The following MGA variants were observed in gnomAD, a reference collection of about 807,000 sequenced individuals.
The protein encoded by MGA is MAX dimerization protein MGA.
Under a neutral mutation model 261.1 loss-of-function variants are expected in MGA, and 40 were observed. The observed-to-expected ratio is 0.15, with a 90% CI of 0.12 to 0.20. MGA has a LOEUF of 0.20. MGA is among the 10% of genes least tolerant of loss of function. MGA has a pLI of 1.00. For synonymous variants in MGA, 1,302 were observed against 1,290.6 expected, an observed-to-expected ratio of 1.01 and a Z score of -0.19; for missense variants, 3,397 against 3,630.5, an observed-to-expected ratio of 0.94 and a Z score of 1.65.
intron 12 of MGA, among the ~76,000 whole-genome samples, chr15:41,734,919 C>G (rs2061688757): frequency 6.6e-6 from 1 of 151,750 alleles, no homozygotes; most frequent in African/African-American, 2.4e-5. Context: ...AGCCTTTGGT[C>G]CTCCATCACT....
At chr15:41,692,201 G>T (rs1205486675) in intron 2 of MGA, among the ~76,000 whole-genome samples, 1 of 152,122 alleles carries the variant, frequency 6.6e-6, no homozygotes, top group Non-Finnish European at 1.5e-5. Context: ...CGTTTCAGCT[G>T]TGTCAAGGGA....
chr15:41,637,800 A>G (rs1049424394), intron 1 of MGA, among the ~76,000 whole-genome samples: 3 of 151,888 alleles, frequency 2.0e-5, no homozygotes, highest in African/African-American at 7.3e-5. Flanking sequence ...GCTGGAGTGC[A>G]ATGGCGTGAT....
intron 2 of MGA, among the ~76,000 whole-genome samples, chr15:41,688,211 G>A (rs1299066719): frequency 1.3e-5 from 2 of 152,124 alleles, no homozygotes; most frequent in African/African-American, 4.8e-5. Flanking sequence ...AAGTAGCTGT[G>A]ATTACTGGCA....
At chr15:41,675,630 G>A (rs1259005684) in intron 2 of MGA, among the ~76,000 whole-genome samples, 1 of 152,164 alleles carries the variant, frequency 6.6e-6, no homozygotes, top group South Asian at 2.1e-4. Context: ...TCCTACCTCA[G>A]CCTCTGAAAT....
chr15:41,716,816 T>G (rs900631633), intron 9 of MGA, among the ~76,000 whole-genome samples: 1 of 152,184 alleles, frequency 6.6e-6, no homozygotes, highest in African/African-American at 2.4e-5. Flanking sequence ...TTTTGTGTGT[T>G]TTTATTATAT....
rs1477130914 is a variant in MGA, at chr15:41,626,870, A to T, written c.-68+5572A>T. ...ATATTTACTATAATTAAAATAATTT[A>T]TTTTAGTTTTTGAGATGGAGTCTCT... On this transcript the variant is annotated intron_variant, in intron 1 of 8. Transcript: ENST00000566718. Among the ~76,000 whole-genome samples the T allele has an allele frequency of 2.0e-5, 3 of 152,026 alleles. No individual in the cohort carries two copies. The South Asian group carries it at 6.2e-4, about 32-fold the overall frequency.
chr15:41,636,690 C>T (rs1009609966), intron 1 of MGA, among the ~76,000 whole-genome samples: 11 of 152,102 alleles, frequency 7.2e-5, no homozygotes, highest in South Asian at 2.1e-4. Flanking sequence ...GCTGGGATTA[C>T]AGGCCTGAGC....
At chr15:41,740,422 T>C (rs970115150) in intron 14 of MGA, among the ~76,000 whole-genome samples, 25 of 152,214 alleles carry the variant, frequency 1.6e-4, no homozygotes, top group African/African-American at 5.8e-4. Context: ...ATTTCTTGGT[T>C]TTATATATAT....
At chr15:41,684,349 A>T in intron 2 of MGA, 1 of 444,952 alleles carries the variant, frequency 2.2e-6, no homozygotes, top group Non-Finnish European at 4.5e-6. Context: ...AACAAAAAAA[A>T]TCCTTTTAAT....
At chr15:41,656,699 T>C (rs1222908242), upstream of MGA, among the ~76,000 whole-genome samples, 1 of 151,860 alleles carries the variant, frequency 6.6e-6, no homozygotes, top group Non-Finnish European at 1.5e-5. Flanking sequence ...TTTCTGTCCT[T>C]CTTTTCATCC....
intron 2 of MGA, among the ~76,000 whole-genome samples, chr15:41,693,252 C>T (rs934523048): frequency 6.6e-6 from 1 of 151,790 alleles, no homozygotes; most frequent in Admixed American, 6.6e-5. Flanking sequence ...TGGTGCACTG[C>T]ACCCACTAAC....
At chr15:41,732,172 G>A (rs907172370) in intron 11 of MGA, among the ~76,000 whole-genome samples, 7 of 146,874 alleles carry the variant, frequency 4.8e-5, no homozygotes, top group African/African-American at 1.3e-4. Flanking sequence ...TTTTGGAGAC[G>A]AATTCTCGCT....
chr15:41,737,343 C>T (rs187872703), intron 13 of MGA, among the ~76,000 whole-genome samples: 4 of 149,918 alleles, frequency 2.7e-5, no homozygotes, highest in South Asian at 2.1e-4. Flanking sequence ...TTAGTAGAGA[C>T]GGGGTTTCGC....
At chr15:41,705,372 T>C (rs535974541) in intron 5 of MGA, among the ~76,000 whole-genome samples, 1 of 152,280 alleles carries the variant, frequency 6.6e-6, no homozygotes, top group Middle Eastern at 3.4e-3. Flanking sequence ...TCTTTTTTTT[T>C]TTCAAGACAG....
rs918656299 is a variant in MGA at position 41,768,085 on chromosome 15, C to G, written c.*805C>G. 6.6e-6 allele frequency: 1 copy of G among 152,530 alleles called. No individual in the cohort carries two copies. Among genetic ancestry groups the G allele is most frequent in the African/African-American group, 2.4e-5 (1 of 41,426 alleles). 9.4% of individuals were successfully genotyped at this position (152,530 alleles called of 1,614,324 possible). On this transcript the variant is annotated 3_prime_UTR_variant, in exon 24 of 24. Coordinates refer to ENST00000219905, the MANE Select transcript of MGA (RefSeq NM_001164273.2). ...CCTACCCCTTCCACAAATTACGTTA[C>G]TCAAGAGACAGCTAAAATAAAATGC... is the stretch of plus-strand genomic sequence containing the variant.
chr15:41,650,486 G>A (rs1427996707), intron 1 of MGA, among the ~76,000 whole-genome samples: 5 of 152,004 alleles, frequency 3.3e-5, no homozygotes, highest in Non-Finnish European at 7.4e-5. Context: ...CACCCAGGCT[G>A]GAGTGCAGTG....
chr15:41,630,159 T>G (rs186668682), intron 1 of MGA, among the ~76,000 whole-genome samples: 106 of 152,308 alleles, frequency 7.0e-4, no homozygotes, highest in Non-Finnish European at 1.4e-3. Context: ...TGCTTGGCTC[T>G]TTTATAACCC....
At chr15:41,757,612 T>G (rs1013493376) in intron 18 of MGA, among the ~76,000 whole-genome samples, 176 bp from the exon 19 acceptor site, 2 of 152,224 alleles carry the variant, frequency 1.3e-5, no homozygotes, top group Non-Finnish European at 2.9e-5. Context: ...GAAGTTTTAG[T>G]GACTATTTGT....
At chr15:41,674,410 C>T (rs962827877) in intron 2 of MGA, among the ~76,000 whole-genome samples, 1 of 152,142 alleles carries the variant, frequency 6.6e-6, no homozygotes, top group Non-Finnish European at 1.5e-5. Context: ...GTTGGCCAGG[C>T]TGGTCTTGAA....
Sources: gnomAD v4.1 joint callset for allele counts (sites outside exome capture counted in the v4.1 genomes callset) on GRCh38, gnomAD v4.1.1 for gene constraint, MANE v1.5 for transcripts, NCBI Gene and HGNC (gene_info 2026-07-23, HGNC 2026-07-21) for gene names.